ADK: variants seen among roughly 807,000 people sequenced by gnomAD.
The protein encoded by ADK is N6,N6-dimethyladenosine kinase.
In ADK, 24 loss-of-function variants were observed where a neutral mutation model predicts 44.7. The observed-to-expected ratio is 0.54, with a 90% confidence interval of 0.39 to 0.76. The LOEUF is 0.76. ADK is among the 30% of genes least tolerant of loss of function. The probability of loss-of-function intolerance (pLI) is 0.00; values close to 1 mark genes in which losing one functional copy is unlikely to be tolerated. For synonymous variants in ADK, 128 were observed against 142.6 expected (o/e 0.90, Z 0.73); for missense variants, 321 against 425.1 (o/e 0.76, Z 2.15).
chr10:74,228,705 T>G (rs1038570923), intron 3 of ADK, among the ~76,000 whole-genome samples: 1 of 152,220 alleles, frequency 6.6e-6, no homozygotes, highest in African/African-American at 2.4e-5. Context: ...CCATTTTGTT[T>G]CCATGAATAT....
intron 7 of ADK, among the ~76,000 whole-genome samples, chr10:74,526,618 G>T (rs1014596058): frequency 6.6e-6 from 1 of 152,182 alleles, no homozygotes; most frequent in South Asian, 2.1e-4. Context: ...AAGTTTACGA[G>T]ATCACCTGGG....
At position 74,493,448 on chromosome 10, in the gene ADK, A is replaced by C. The variant is rs193274411; in HGVS notation, c.556-31808A>C. ...AGACCTCATCTATATATATATATAT[A>C]TCTCATCTATATAGAAGAGATATAT... On this transcript the variant is annotated intron_variant, in intron 6 of 10. Transcript: ENST00000539909. Among the ~76,000 whole-genome samples, 21 of 150,354 alleles carry C rather than the reference A, an allele frequency of 1.4e-4. 1 individual carries two copies. Among genetic ancestry groups the C allele is most frequent in the African/African-American group, 4.5e-4 (18 of 40,388 alleles).
chr10:74,305,913 T>C (rs922443047), intron 3 of ADK, among the ~76,000 whole-genome samples: 2 of 152,004 alleles, frequency 1.3e-5, no homozygotes, highest in Non-Finnish European at 2.9e-5. Context: ...TTTGTAGAAG[T>C]AGGGTCTCAC....
rs769358595 is a variant in ADK at position 74,708,449 on chromosome 10, A to C, written c.*4A>C. On this transcript the variant is annotated 3_prime_UTR_variant, in exon 11 of 11. Transcript: ENST00000539909. ...TGAGAAGCCAGACTTCCACTGATGG[A>C]AGAGCTGAAAACACAAGCCCAGGAG... 1 of 1,610,172 alleles carries C rather than the reference A, an allele frequency of 6.2e-7. No homozygotes were observed. The highest frequency in any genetic ancestry group is 8.5e-7 in the Non-Finnish European group (1 of 1,178,826).
intron 3 of ADK, among the ~76,000 whole-genome samples, chr10:74,267,754 T>TTGTGTGTGTGTGTGTGTGTGTGTGTGTG (rs372502769): frequency 7.5e-6 from 1 of 132,734 alleles, no homozygotes; most frequent in Admixed American, 7.9e-5. Context: ...ATATCCTTAT[T>TTGTGTGTGTGTGTGTGTGTGTGTGTGTG]TGTGTGTGTG....
intron 4 of ADK, among the ~76,000 whole-genome samples, chr10:74,381,786 TTTAATA>T (rs1842982999): frequency 6.6e-6 from 1 of 152,206 alleles, no homozygotes; most frequent in Non-Finnish European, 1.5e-5. Flanking sequence ...GAAGGGGTAA[TTTAATA>T]GAGGCTGTCA....
chr10:74,284,099 C>T (rs1591984244), intron 3 of ADK, among the ~76,000 whole-genome samples: 1 of 152,198 alleles, frequency 6.6e-6, no homozygotes, highest in Non-Finnish European at 1.5e-5. Flanking sequence ...GTTGGCATTA[C>T]AGGCGTGTGC....
At chr10:74,232,456 A>T (rs1844801169) in intron 3 of ADK, among the ~76,000 whole-genome samples, 1 of 150,660 alleles carries the variant, frequency 6.6e-6, no homozygotes, top group Non-Finnish European at 1.5e-5. Flanking sequence ...CAGGAAGTTG[A>T]GGCTGCAGTG....
At position 74,639,506 on chromosome 10, in the gene ADK, T is replaced by C. The variant is rs1205445206; in HGVS notation, c.878-30677T>C. On this transcript the variant is annotated intron_variant, in intron 9 of 10. Coordinates refer to ENST00000539909, the MANE Select transcript of ADK (RefSeq NM_006721.4). ...ATCACTTATTTGAGGACTTTGAGTA[T>C]AAACAAATCAGAATATAAAATTACC... 2.0e-5 allele frequency among the ~76,000 whole-genome samples: 3 copies of C among 152,156 alleles called. No homozygotes were observed. The East Asian group carries it at 5.8e-4, about 29-fold the overall frequency.
intron 7 of ADK, chr10:74,527,434 G>A: frequency 4.2e-6 from 2 of 477,204 alleles, no homozygotes; most frequent in East Asian, 3.9e-5. Flanking sequence ...AGAAAGCTTA[G>A]GGAGATTGAA....
intron 1 of ADK, among the ~76,000 whole-genome samples, chr10:74,158,061 T>C (rs1841802133): frequency 6.6e-6 from 1 of 152,272 alleles, no homozygotes; most frequent in Non-Finnish European, 1.5e-5. Context: ...GAAACAAAAA[T>C]ATAAACTAAA....
intron 4 of ADK, among the ~76,000 whole-genome samples, chr10:74,374,244 C>T (rs1332110321): frequency 6.6e-6 from 1 of 151,958 alleles, no homozygotes; most frequent in Non-Finnish European, 1.5e-5. Context: ...TACTAAACAC[C>T]ATTGAACTGT....
At chr10:74,199,239 G>T (rs1173439632) in intron 1 of ADK, among the ~76,000 whole-genome samples, 1 of 152,032 alleles carries the variant, frequency 6.6e-6, no homozygotes, top group Non-Finnish European at 1.5e-5. Flanking sequence ...TTGTTACATG[G>T]GTATATCATA....
intron 6 of ADK, among the ~76,000 whole-genome samples, chr10:74,483,357 G>A (rs1847142894): frequency 6.6e-6 from 1 of 152,198 alleles, no homozygotes; most frequent in Non-Finnish European, 1.5e-5. Flanking sequence ...TGGTCCCTGA[G>A]CCTGGCCTAG....
chr10:74,594,275 G>A (rs1044332289), intron 8 of ADK, among the ~76,000 whole-genome samples: 9 of 151,884 alleles, frequency 5.9e-5, no homozygotes, highest in African/African-American at 1.7e-4. Context: ...CATGGCACGC[G>A]TATACCTCTG....
intron 6 of ADK, among the ~76,000 whole-genome samples, chr10:74,481,937 C>T (rs1348434774): frequency 1.3e-5 from 2 of 152,134 alleles, no homozygotes; most frequent in African/African-American, 4.8e-5. Context: ...TCCTAAGCAC[C>T]TTATATCAGA....
chr10:74,169,818 A>T (rs146004419), intron 1 of ADK, among the ~76,000 whole-genome samples: 40 of 152,340 alleles, frequency 2.6e-4, no homozygotes, highest in African/African-American at 9.4e-4. Flanking sequence ...AAAAAATTCA[A>T]TATGTTTTGA....
chr10:74,555,899 A>G (rs1850229979), intron 7 of ADK, among the ~76,000 whole-genome samples: 1 of 152,170 alleles, frequency 6.6e-6, no homozygotes, highest in Non-Finnish European at 1.5e-5. Flanking sequence ...TAGGCAGAGC[A>G]ATTTTCCTAT....
intron 6 of ADK, among the ~76,000 whole-genome samples, chr10:74,459,659 G>T (rs1163906655): frequency 2.0e-5 from 3 of 149,712 alleles, no homozygotes; most frequent in Non-Finnish European, 3.0e-5. Context: ...AACCAGGGAG[G>T]CAGAGATTGC....
Sources: gnomAD v4.1 joint callset for allele counts (sites outside exome capture counted in the v4.1 genomes callset) on GRCh38, gnomAD v4.1.1 for gene constraint, MANE v1.5 for transcripts, NCBI Gene and HGNC (gene_info 2026-07-23, HGNC 2026-07-21) for gene names.